Variants in VWA8 observed in about 807,000 individuals in gnomAD.
VWA8 encodes von Willebrand factor A domain-containing protein 8.
VWA8 carries 221 observed loss-of-function variants against 241.5 expected under a neutral mutation model. That is an observed-to-expected ratio of 0.91 (90% CI 0.82 to 1.02). The LOEUF (loss-of-function observed/expected upper bound fraction) is 1.02. Ranked by LOEUF, VWA8 falls within the 50% of genes least tolerant of loss-of-function variation. The pLI is 0.00. For synonymous variants in VWA8, 852 were observed against 827.1 expected (o/e 1.03, Z -0.52); for missense variants, 2,322 against 2,328.7 (o/e 1.00, Z 0.06).
chr13:41,745,923 T>C lies in VWA8; in HGVS notation c.2427-13768A>G, dbSNP rs368002313. ...CATCAGAATATCACTGATTTCATCA[T>C]AGAAATAATGATTTTCTTAATAAAA... is the stretch of plus-strand genomic sequence containing the variant. On this transcript the variant is annotated intron_variant, in intron 21 of 44. Transcript: ENST00000379310. 1.4e-4 allele frequency among the ~76,000 whole-genome samples: 21 copies of C among 151,886 alleles called. No homozygotes were observed. The East Asian group carries it at 1.6e-3, about 11-fold the overall frequency.
intron 36 of VWA8, among the ~76,000 whole-genome samples, chr13:41,671,570 T>C (rs1385761972): frequency 3.3e-5 from 5 of 151,382 alleles, no homozygotes; most frequent in African/African-American, 9.7e-5. Flanking sequence ...AATTCATATG[T>C]TGAAGCCCTA....
chr13:41,662,482 G>T (rs2139695825), intron 37 of VWA8, among the ~76,000 whole-genome samples: 1 of 149,862 alleles, frequency 6.7e-6, no homozygotes, highest in South Asian at 2.1e-4. Context: ...TTGATTTTTG[G>T]CTTCGATAAA....
At chr13:41,690,125 T>C (rs1054915522) in intron 33 of VWA8, 41 bp downstream of exon 33, 2 of 1,545,060 alleles carry the variant, frequency 1.3e-6, no homozygotes, top group Non-Finnish European at 8.9e-7. Context: ...TGTACAAGCA[T>C]GCACTCACAC....
intron 21 of VWA8, among the ~76,000 whole-genome samples, chr13:41,743,850 A>G (rs2045585355): frequency 6.6e-6 from 1 of 152,216 alleles, no homozygotes; most frequent in South Asian, 2.1e-4. Flanking sequence ...TACTATGGAC[A>G]TAAGAGGAAC....
chr13:41,714,382 T>C (rs2045335895), intron 26 of VWA8, among the ~76,000 whole-genome samples: 1 of 151,950 alleles, frequency 6.6e-6, no homozygotes, highest in South Asian at 2.1e-4. Flanking sequence ...GGCAAAGAAC[T>C]TGGAGCAGAG....
chr13:41,771,810 G>A (rs957235748), intron 20 of VWA8, among the ~76,000 whole-genome samples: 1 of 150,658 alleles, frequency 6.6e-6, no homozygotes, highest in Non-Finnish European at 1.5e-5. Flanking sequence ...TCAAACTCTT[G>A]GACTCAAGCA....
In VWA8 at chr13:41,819,959, G is replaced by A. The variant is rs577960471; in HGVS notation, c.1701-573C>T. The stretch of plus-strand genomic sequence containing the variant: ...AAAACCTTTATAGAATGCATTCTTT[G>A]GTCATTCTTATAGGAAATGTTATGA... On this transcript the variant is annotated intron_variant, in intron 14 of 44. Transcript: ENST00000379310. 2.0e-5 allele frequency among the ~76,000 whole-genome samples: 3 copies of A among 152,210 alleles called. No homozygotes were observed. The South Asian group carries it at 6.2e-4, about 32-fold the overall frequency.
chr13:41,898,095 C>G (rs897376135), intron 4 of VWA8, among the ~76,000 whole-genome samples: 1 of 152,214 alleles, frequency 6.6e-6, no homozygotes, highest in Non-Finnish European at 1.5e-5. Flanking sequence ...CATTCACAAA[C>G]CCTGAGCTAG....
At chr13:41,578,672 T>C (rs757391455) in intron 42 of VWA8, among the ~76,000 whole-genome samples, 1 of 152,202 alleles carries the variant, frequency 6.6e-6, no homozygotes, top group Non-Finnish European at 1.5e-5. Context: ...ATGGAGGAGC[T>C]ACAGGAGTCA....
At chr13:41,813,968 G>A (rs879210503) in intron 16 of VWA8, among the ~76,000 whole-genome samples, 4 of 152,046 alleles carry the variant, frequency 2.6e-5, no homozygotes, top group Admixed American at 2.6e-4. Context: ...CGAAGGGGTT[G>A]TTCATATTAA....
At chr13:41,628,947 A>T (rs1406485097) in intron 37 of VWA8, among the ~76,000 whole-genome samples, 1 of 152,102 alleles carries the variant, frequency 6.6e-6, no homozygotes, top group Non-Finnish European at 1.5e-5. Flanking sequence ...AGGCTGAGGG[A>T]GGAGAATCAC....
intron 21 of VWA8, among the ~76,000 whole-genome samples, chr13:41,756,053 T>C (rs1379009499): frequency 6.6e-6 from 1 of 151,640 alleles, no homozygotes; most frequent in Non-Finnish European, 1.5e-5. Context: ...CTTTGACCAA[T>C]AATATTAATA....
intron 37 of VWA8, among the ~76,000 whole-genome samples, chr13:41,656,896 C>T (rs9566816): frequency 0.031 from 4,715 of 152,246 alleles, 129 homozygotes; most frequent in East Asian, 0.095. Context: ...GTTGTTCATC[C>T]AGCATTTCTT....
At chr13:41,710,111 C>G (rs1215045438) in intron 26 of VWA8, among the ~76,000 whole-genome samples, 1 of 152,186 alleles carries the variant, frequency 6.6e-6, no homozygotes, top group African/African-American at 2.4e-5. Flanking sequence ...TAACTGCCAA[C>G]ATTTTGACCT....
At chr13:41,589,800 AG>A (rs34528027) in intron 41 of VWA8, among the ~76,000 whole-genome samples, 2 of 152,156 alleles carry the variant, frequency 1.3e-5, no homozygotes, top group Non-Finnish European at 2.9e-5. Context: ...ACTCTGTCCC[AG>A]GCCACTGTGT....
chr13:41,613,330 T>C (rs2044601587), intron 38 of VWA8, among the ~76,000 whole-genome samples: 1 of 152,198 alleles, frequency 6.6e-6, no homozygotes, highest in Non-Finnish European at 1.5e-5. Context: ...AAATTCCTTC[T>C]GGGATGTGTG....
chr13:41,865,773 G>A lies in VWA8; in HGVS notation c.1388C>T (p.Thr463Ile), dbSNP rs1189743674. The A allele has an allele frequency of 1.2e-6, 2 of 1,614,068 alleles. No homozygotes were observed. Among genetic ancestry groups the A allele is most frequent in the Non-Finnish European group, 1.7e-6 (2 of 1,180,032 alleles). Residue 463 changes from threonine to isoleucine, a missense_variant, in exon 12 of 45, where the codon ACC (threonine) becomes ATC (isoleucine). By Grantham distance (89) the Thr-to-Ile change is moderately conservative. Coordinates refer to ENST00000379310, the MANE Select transcript of VWA8 (RefSeq NM_015058.2). ...AATAGGTTCTATGTTGTATCCTAAG[G>A]TATCGGCAAAGTTCTTAGCGATCAC... ...KTVIAKNFAD[T>I]LGYNIEPIML...
At chr13:41,875,705 C>G (rs1188107096) in intron 9 of VWA8, among the ~76,000 whole-genome samples, 1 of 152,000 alleles carries the variant, frequency 6.6e-6, no homozygotes, top group Admixed American at 6.6e-5. Context: ...TCTTCTTGAC[C>G]AGTACACAGT....
intron 22 of VWA8, among the ~76,000 whole-genome samples, chr13:41,731,117 T>C (rs1372820509): frequency 6.6e-6 from 1 of 151,884 alleles, no homozygotes; most frequent in Non-Finnish European, 1.5e-5. Flanking sequence ...GTAGCTTCTA[T>C]CCTCAACCCT....
Sources: gnomAD v4.1 joint callset for allele counts (sites outside exome capture counted in the v4.1 genomes callset) on GRCh38, gnomAD v4.1.1 for gene constraint, MANE v1.5 for transcripts, NCBI Gene and HGNC (gene_info 2026-07-23, HGNC 2026-07-21) for gene names.